PHC2: variants seen among roughly 807,000 people sequenced by gnomAD.
The protein encoded by PHC2 is polyhomeotic homolog 2.
In PHC2, 29 loss-of-function variants were observed where a neutral mutation model predicts 87.4. The observed-to-expected ratio is 0.33, with a 90% CI of 0.25 to 0.45. The LOEUF (loss-of-function observed/expected upper bound fraction) is 0.45, where lower values mean the gene tolerates loss of function less well. Ranked by LOEUF, PHC2 falls within the 20% of genes least tolerant of loss-of-function variation. PHC2 has a pLI of 1.00. For missense variants in PHC2, 857 were observed against 1,136.7 expected (o/e 0.75, Z 3.54); for synonymous variants, 438 against 461.7 (o/e 0.95, Z 0.66).
chr1:33,393,216 C>T (rs3927467), intron 1 of PHC2, among the ~76,000 whole-genome samples: 14,884 of 152,090 alleles, frequency 0.098, 1,037 homozygotes, highest in East Asian at 0.28. Context: ...AAAACCCTAC[C>T]TTCCTAGGAA....
chr1:33,362,302 T>C (rs1394964450), intron 7 of PHC2, among the ~76,000 whole-genome samples: 1 of 152,216 alleles, frequency 6.6e-6, no homozygotes, highest in Non-Finnish European at 1.5e-5. Context: ...GAAGTCAAAA[T>C]AACTCTGTGA....
intron 9 of PHC2, among the ~76,000 whole-genome samples, chr1:33,337,917 G>GCATA (rs1237990218): frequency 6.6e-6 from 1 of 152,250 alleles, no homozygotes; most frequent in Non-Finnish European, 1.5e-5. Flanking sequence ...CTGACTGAGA[G>GCATA]CATAGGTAGA....
intron 2 of PHC2, among the ~76,000 whole-genome samples, chr1:33,373,201 T>C (rs1268913768): frequency 6.6e-6 from 1 of 152,160 alleles, no homozygotes; most frequent in Admixed American, 6.5e-5. Context: ...CACTGCAACC[T>C]CTGCCTCCCT....
intron 9 of PHC2, 125 bp downstream of exon 9, chr1:33,354,276 A>G: frequency 1.2e-6 from 1 of 855,490 alleles, no homozygotes; most frequent in South Asian, 1.7e-5. Context: ...TCTGTTTCCA[A>G]CCCCCCAGCT....
At position 33,331,285 on chromosome 1, in the gene PHC2, A is replaced by T; in HGVS notation, c.2006+63T>A. The T allele has an allele frequency of 2.3e-6, 2 of 886,834 alleles. No homozygotes were observed. Among genetic ancestry groups the T allele is most frequent in the Non-Finnish European group, 1.8e-6 (1 of 544,386 alleles). The allele number at this position is 886,834 out of a possible 1,614,324, so 54.9% of individuals were successfully genotyped here. On this transcript the variant is annotated intron_variant, in intron 12 of 14. Transcript: ENST00000683057. This position sits in a 1 kb window ranked among gnomAD's most constrained non-coding sequence, Gnocchi z 5.2. Reference sequence around the variant, plus strand: ...TATGGACCTCCTGGGGTAGACTATTAATGGCAGGAGGTGGGACATAAAGTG... The same window carrying T: ...TATGGACCTCCTGGGGTAGACTATTTATGGCAGGAGGTGGGACATAAAGTG...
chr1:33,400,524 C>T (rs1649480908), intron 1 of PHC2, among the ~76,000 whole-genome samples: 1 of 152,208 alleles, frequency 6.6e-6, no homozygotes, highest in African/African-American at 2.4e-5. Context: ...TTAATCTTCA[C>T]ACCAATTCCA....
chr1:33,324,703 G>T lies in PHC2; in HGVS notation c.*162C>A. On this transcript the variant is annotated 3_prime_UTR_variant, in exon 15 of 15. Transcript: ENST00000683057. ...CCTCCCACAGAAATGAAAGGCCCCT[G>T]AGAGCCATGGAGGAGGTGCCCAGAC... 2 of 607,930 alleles carry T rather than the reference G, an allele frequency of 3.3e-6. No individual in the cohort carries two copies. Among genetic ancestry groups the T allele is most frequent in the South Asian group, 2.9e-5 (1 of 34,422 alleles). The allele number at this position is 607,930 out of a possible 1,614,324, so 37.7% of individuals were successfully genotyped here.
chr1:33,413,752 G>A (rs752287423), intron 1 of PHC2, among the ~76,000 whole-genome samples: 7 of 152,164 alleles, frequency 4.6e-5, no homozygotes, highest in Non-Finnish European at 1.0e-4. Flanking sequence ...TAATAACAAA[G>A]TGTATTCACT....
At position 33,330,081 on chromosome 1, in the gene PHC2, G is replaced by A. The variant is rs906621985; in HGVS notation, c.2138C>T (p.Thr713Ile). The change falls in exon 13 of 15, where the codon ACC becomes ATC. Residue 713 changes from threonine (T) to isoleucine (I), a missense_variant. Physicochemically the swap from Thr to Ile is moderately conservative, Grantham distance 89. This residue lies in a region of PHC2 where 832 missense variants were observed against 1,081.8 expected (regional missense o/e 0.77). Transcript: ENST00000683057. ...CTGCCCGCCTCTTACCTGCTTCTTG[G>A]TATCCTTGGTAAGTGGTGGCAGACT... is the stretch of plus-strand genomic sequence containing the variant. ...KASLPPLTKD[T>I]KKQPTGTVPL... 2.5e-6 allele frequency: 4 copies of A among 1,613,744 alleles called. No individual in the cohort carries two copies. The highest frequency in any genetic ancestry group is 2.7e-5 in the African/African-American group (2 of 74,930).
rs1051222227 is a variant in PHC2 at position 33,334,378 on chromosome 1, C to T, written c.1559-86G>A. The T allele has an allele frequency of 2.3e-5, 29 of 1,252,398 alleles. No homozygotes were observed. Among genetic ancestry groups the T allele is most frequent in the South Asian group, 1.0e-4 (8 of 77,734 alleles). 77.6% of individuals were successfully genotyped at this position (1,252,398 alleles called of 1,614,324 possible). On this transcript the variant is annotated intron_variant, in intron 9 of 14. Transcript: ENST00000683057. The surrounding 1 kb of genome is among the most constrained non-coding windows in gnomAD (Gnocchi z 5.5). ...GGAGGGACAGCAAGGACTCAAACTG[C>T]GCCCGGCTTTTACCGTGGGGCCAAG...
At chr1:33,411,189 T>C (rs566630908) in intron 1 of PHC2, among the ~76,000 whole-genome samples, 1 of 152,322 alleles carries the variant, frequency 6.6e-6, no homozygotes, top group South Asian at 2.1e-4. Flanking sequence ...AAATAAATAA[T>C]CTGAAAGCTA....
chr1:33,366,458 A>G (rs1472667810), intron 7 of PHC2, among the ~76,000 whole-genome samples: 1 of 152,210 alleles, frequency 6.6e-6, no homozygotes, highest in East Asian at 1.9e-4. Context: ...GCAAGCTCCT[A>G]GATTTATTCT....
In PHC2 at chr1:33,332,337, T is replaced by A. The variant is rs1209541400; in HGVS notation, c.1829A>T (p.Lys610Ile). The A allele has an allele frequency of 6.2e-7, 1 of 1,614,104 alleles. No individual in the cohort carries two copies. Among genetic ancestry groups the A allele is most frequent in the East Asian group, 2.2e-5 (1 of 44,866 alleles). The change falls in exon 11 of 15, where the codon AAA (lysine) becomes ATA (isoleucine). Residue 610 changes from lysine (K) to isoleucine (I), a missense_variant. By Grantham distance (102) the Lys-to-Ile change is moderately radical. This residue lies in a region of PHC2 where 832 missense variants were observed against 1,081.8 expected (regional missense o/e 0.77). Transcript: ENST00000683057. This position sits in a 1 kb window ranked among gnomAD's most constrained non-coding sequence, Gnocchi z 4.2. ...GGTGGTGTGATCCTGCTGTGGAAGT[T>A]TCTCAGGCAGGAACCCCTGTGCATA... The part of the protein sequence containing the change: ...KKYAQGFLPE[K>I]LPQQDHTTTT...
intron 1 of PHC2, among the ~76,000 whole-genome samples, chr1:33,391,253 C>T (rs1046159462): frequency 2.0e-5 from 3 of 152,110 alleles, no homozygotes; most frequent in African/African-American, 7.2e-5. Flanking sequence ...GGTGGGGAAG[C>T]AGAAGTGGAA....
intron 1 of PHC2, among the ~76,000 whole-genome samples, 165 bp downstream of exon 1, chr1:33,430,811 C>G (rs1410781130): frequency 1.3e-5 from 2 of 150,236 alleles, no homozygotes; most frequent in Non-Finnish European, 3.0e-5. Flanking sequence ...TGTCCGTGCC[C>G]ATGGCAATGC....
chr1:33,387,345 C>T (rs72880294), intron 1 of PHC2, among the ~76,000 whole-genome samples: 1,875 of 152,280 alleles, frequency 0.012, 32 homozygotes, highest in African/African-American at 0.042. Flanking sequence ...AGCCTACCTC[C>T]CTTGGAGTTT....
intron 1 of PHC2, among the ~76,000 whole-genome samples, chr1:33,397,540 A>G (rs918680670): frequency 6.6e-6 from 1 of 152,162 alleles, no homozygotes; most frequent in Non-Finnish European, 1.5e-5. Flanking sequence ...CTTACAGTCC[A>G]TCCATGGCAG....
intron 9 of PHC2, chr1:33,347,746 G>C (rs951651878): frequency 1.0e-6 from 1 of 985,210 alleles, no homozygotes; most frequent in African/African-American, 1.7e-5. Flanking sequence ...TCTTGGGTGG[G>C]CTGAGAAGCA....
In PHC2 at chr1:33,324,922, G is replaced by A; in HGVS notation, c.2523C>T (p.Ile841=). 6.2e-7 allele frequency: 1 copy of A among 1,613,880 alleles called. No individual in the cohort carries two copies. Among genetic ancestry groups the A allele is most frequent in the Non-Finnish European group, 8.5e-7 (1 of 1,179,818 alleles). Reference sequence around the variant, plus strand: ...AGATCTTCAGGGCGGGCCCCAGCTTGATGTTCATGGCGCTCATCAGGTGGT... The same window carrying A: ...AGATCTTCAGGGCGGGCCCCAGCTTAATGTTCATGGCGCTCATCAGGTGGT... ...KEDHLMSAMN[I]KLGPALKIYA... is the part of the protein sequence containing the mutation. The change falls in exon 15 of 15, where the codon ATC becomes ATT. Residue 841 remains isoleucine, a synonymous_variant. Transcript: ENST00000683057.
Sources: allele counts gnomAD v4.1 joint callset (sites outside exome capture counted in the v4.1 genomes callset), GRCh38; gene constraint gnomAD v4.1.1; regional missense constraint gnomAD v4.1.1; non-coding constraint Gnocchi (gnomAD v3.1); transcripts MANE v1.5; gene names NCBI Gene and HGNC (gene_info 2026-07-23, HGNC 2026-07-21).